The following CCDC144A variants were observed in gnomAD, a reference collection of about 807,000 sequenced individuals.
The protein encoded by CCDC144A is coiled-coil domain containing 144A, also known as coiled-coil domain-containing protein 144A.
A neutral mutation model predicts 143.8 loss-of-function variants in CCDC144A; 41 were observed. The ratio of observed to expected loss-of-function variants is 0.29; its 90% CI spans 0.22 to 0.37. The LOEUF (loss-of-function observed/expected upper bound fraction) is 0.37. Among genes scored for constraint, CCDC144A ranks in the 10% least tolerant of loss-of-function variants. The probability of loss-of-function intolerance (pLI) is 1.00; values close to 1 mark genes in which losing one functional copy is unlikely to be tolerated. For synonymous variants in CCDC144A, 242 were observed against 517.9 expected (o/e 0.47, Z 7.23); for missense variants, 637 against 1,488.8 (o/e 0.43, Z 9.41).
intron 2 of CCDC144A, among the ~76,000 whole-genome samples, chr17:16,694,317 A>G (rs1384974311): frequency 6.6e-6 from 1 of 152,258 alleles, no homozygotes; most frequent in Non-Finnish European, 1.5e-5. Context: ...TGTGCTGCCC[A>G]CACCTGTAGT....
chr17:16,716,836 C>T lies in CCDC144A; in HGVS notation c.1716-3362C>T, dbSNP rs1285463705. On this transcript the variant is annotated intron_variant, in intron 6 of 16. Coordinates refer to ENST00000399273, the MANE Select transcript of CCDC144A (RefSeq NM_001382000.1). ...TGTTTTTTTTTTTTTTTTTTTGAGA[C>T]GCAGTCTCGCTCTGTCGCCCAGGCT... Among the ~76,000 whole-genome samples the T allele has an allele frequency of 6.8e-5, 9 of 132,136 alleles. No individual in the cohort carries two copies. The East Asian group carries it at 1.2e-3, about 17-fold the overall frequency. 86.7% of individuals were successfully genotyped at this position (132,136 alleles called of 152,430 possible).
At position 16,776,603 on chromosome 17, in the gene CCDC144A, G is replaced by A. The variant is rs1916010043; in HGVS notation, c.*2970G>A. The A allele has an allele frequency of 6.6e-6, 1 of 152,184 alleles. No individual in the cohort carries two copies. Among genetic ancestry groups the A allele is most frequent in the Non-Finnish European group, 1.5e-5 (1 of 68,048 alleles). The allele number at this position is 152,184 out of a possible 1,614,324, so 9.4% of individuals were successfully genotyped here. ...TTATCAGCTAAGAAGTTTTTGAGCT[G>A]AGATGATGGAGTTTTCTAGATATAG... On this transcript the variant is annotated 3_prime_UTR_variant, in exon 17 of 17. Coordinates refer to ENST00000399273, the MANE Select transcript of CCDC144A (RefSeq NM_001382000.1).
chr17:16,668,345 TAA>T, the CCDC144A span, among the ~76,000 whole-genome samples: 2 of 152,190 alleles, frequency 1.3e-5, no homozygotes, highest in Non-Finnish European at 2.9e-5. Flanking sequence ...ATACCATATT[TAA>T]GTTTATTTTC....
At chr17:16,734,416 T>G (rs1913899910) in intron 11 of CCDC144A, among the ~76,000 whole-genome samples, 1 of 152,192 alleles carries the variant, frequency 6.6e-6, no homozygotes, top group Non-Finnish European at 1.5e-5. Flanking sequence ...GCCTTTGAGT[T>G]TGTTGTAATT....
intron 15 of CCDC144A, chr17:16,766,314 C>T (rs1915593342): frequency 1.3e-5 from 2 of 150,202 alleles, no homozygotes; most frequent in Non-Finnish European, 2.9e-5. Flanking sequence ...GGCAGGTTTG[C>T]CCTAAGCAGT....
the CCDC144A span, among the ~76,000 whole-genome samples, chr17:16,673,477 C>A: frequency 6.6e-6 from 1 of 151,842 alleles, no homozygotes; most frequent in African/African-American, 2.4e-5. Flanking sequence ...ACCTCTGCCC[C>A]CTGGGTTCAA....
chr17:16,666,983 G>C, the CCDC144A span: 2 of 153,014 alleles, frequency 1.3e-5, no homozygotes, highest in African/African-American at 4.8e-5. Flanking sequence ...CCTCCCGGTC[G>C]GTCAGCGACT....
intron 12 of CCDC144A, among the ~76,000 whole-genome samples, chr17:16,748,238 G>C (rs1914627597): frequency 1.3e-5 from 2 of 152,110 alleles, no homozygotes; most frequent in South Asian, 4.1e-4. Flanking sequence ...TTGTTATAGA[G>C]TGGCCTTTAT....
At chr17:16,689,940 ACAGG>A (rs1910942741), upstream of CCDC144A, 1 of 153,738 alleles carries the variant, frequency 6.5e-6, no homozygotes, top group African/African-American at 2.4e-5. Context: ...GGCACTCATG[ACAGG>A]CAGGCTGGGC....
Position 16,768,500 on chromosome 17 carries a change from G to A in CCDC144A, c.4099-3477G>A, listed in dbSNP as rs1362569967. 8.5e-5 allele frequency among the ~76,000 whole-genome samples: 13 copies of A among 152,286 alleles called. No individual in the cohort carries two copies. In the East Asian group the frequency reaches 9.6e-4, roughly 11 times the overall value. The stretch of plus-strand genomic sequence containing the variant: ...CAAAGCAGTTGTTATGGAGGCCTGC[G>A]TTAGTGAGACCTGGCCTGCCACATA... On this transcript the variant is annotated intron_variant, in intron 15 of 16. Coordinates refer to ENST00000399273, the MANE Select transcript of CCDC144A (RefSeq NM_001382000.1).
intron 14 of CCDC144A, among the ~76,000 whole-genome samples, chr17:16,763,165 C>T (rs559598999): frequency 6.6e-6 from 1 of 151,204 alleles, no homozygotes; most frequent in African/African-American, 2.5e-5. Flanking sequence ...AAAAAAATAA[C>T]ACCTTGGTCA....
At chr17:16,749,567 T>G (rs557747016) in intron 12 of CCDC144A, among the ~76,000 whole-genome samples, 1 of 152,342 alleles carries the variant, frequency 6.6e-6, no homozygotes, top group South Asian at 2.1e-4. Flanking sequence ...TATTCTGTAG[T>G]TGTTTGGTGG....
At chr17:16,699,806 T>A (rs1212965143) in intron 2 of CCDC144A, among the ~76,000 whole-genome samples, 3 of 152,020 alleles carry the variant, frequency 2.0e-5, no homozygotes, top group African/African-American at 7.3e-5. Context: ...TTTAATTGGG[T>A]TAAAATAGGA....
At chr17:16,764,480 C>T (rs918975931) in intron 15 of CCDC144A, 8 of 363,910 alleles carry the variant, frequency 2.2e-5, no homozygotes, top group African/African-American at 1.7e-4. Context: ...CTTTGTCTTA[C>T]TAATTGATTT....
intron 12 of CCDC144A, among the ~76,000 whole-genome samples, chr17:16,755,016 TA>T (rs999034252): frequency 2.6e-5 from 4 of 152,248 alleles, no homozygotes; most frequent in African/African-American, 9.6e-5. Flanking sequence ...TTATTTTTTT[TA>T]CTTAAGATCT....
rs1270902386 is a variant in CCDC144A at position 16,777,630 on chromosome 17, A to G, written c.*3997A>G. ...GAATGATTGTTGGGTCAACAATGAT[A>G]TCAAGAGGGAAATTTAAAAATTCTT... On this transcript the variant is annotated 3_prime_UTR_variant, in exon 17 of 17. Transcript: ENST00000399273. The G allele has an allele frequency of 7.3e-6, 1 of 137,688 alleles. No homozygotes were observed. Among genetic ancestry groups the G allele is most frequent in the African/African-American group, 3.0e-5 (1 of 33,094 alleles). 8.5% of individuals were successfully genotyped at this position (137,688 alleles called of 1,614,324 possible).
the CCDC144A span, among the ~76,000 whole-genome samples, chr17:16,675,976 C>T: frequency 6.6e-6 from 1 of 151,778 alleles, no homozygotes; most frequent in Non-Finnish European, 1.5e-5. Context: ...TCTTGATCTC[C>T]TCACCTCGTG....
chr17:16,703,951 G>T (rs1016205329), intron 2 of CCDC144A, among the ~76,000 whole-genome samples: 1 of 152,218 alleles, frequency 6.6e-6, no homozygotes, highest in Non-Finnish European at 1.5e-5. Context: ...GAAACAGAAT[G>T]AGAGTGAAAA....
At chr17:16,729,210 T>A (rs868622010) in intron 9 of CCDC144A, among the ~76,000 whole-genome samples, 1 of 152,324 alleles carries the variant, frequency 6.6e-6, no homozygotes, top group African/African-American at 2.4e-5. Flanking sequence ...CCACCAGCAG[T>A]GTATAAGCAT....
Sources: gnomAD v4.1 joint callset for allele counts (sites outside exome capture counted in the v4.1 genomes callset) on GRCh38, gnomAD v4.1.1 for gene constraint, MANE v1.5 for transcripts, NCBI Gene and HGNC (gene_info 2026-07-23, HGNC 2026-07-21) for gene names.